Variants in AIG1 observed in about 807,000 individuals in gnomAD.
AIG1 encodes the protein androgen induced 1.
A neutral mutation model predicts 31.4 loss-of-function variants in AIG1; 23 were observed. That is an observed-to-expected ratio of 0.73 (90% CI 0.53 to 1.04). AIG1 has a LOEUF of 1.04. Among genes scored for constraint, AIG1 ranks in the 50% least tolerant of loss-of-function variants. The pLI is 0.00. For missense variants in AIG1, 274 were observed against 295.0 expected (o/e 0.93, Z 0.52); for synonymous variants, 100 against 110.5 (o/e 0.90, Z 0.60).
At chr6:143,190,019 A>C (rs182895172) in intron 3 of AIG1, 2 of 464,494 alleles carry the variant, frequency 4.3e-6, no homozygotes, top group Admixed American at 6.4e-5. Flanking sequence ...GGAAGGAACA[A>C]GTAATCTCTC....
In AIG1 at chr6:143,338,023, A is replaced by G; in HGVS notation, c.680-1616A>G. On this transcript the variant is annotated intron_variant, in intron 5 of 5. Coordinates refer to ENST00000357847, the MANE Select transcript of AIG1 (RefSeq NM_016108.4). This position sits in a 1 kb window ranked among gnomAD's most constrained non-coding sequence, Gnocchi z 4.3. ...GGAAGCCATTTTCCCTCTCTAGGTC[A>G]ATGAATACCCCCCGTTCTCCACCCG... 2.5e-6 allele frequency: 1 copy of G among 398,694 alleles called. No individual in the cohort carries two copies. Among genetic ancestry groups the G allele is most frequent in the East Asian group, 3.6e-5 (1 of 28,086 alleles). The allele number at this position is 398,694 out of a possible 1,614,324, so 24.7% of individuals were successfully genotyped here.
intron 2 of AIG1, among the ~76,000 whole-genome samples, chr6:143,157,449 TC>T (rs1460675079): frequency 2.4e-5 from 3 of 126,718 alleles, no homozygotes; most frequent in African/African-American, 3.8e-5. Flanking sequence ...TTTTTTTTTT[TC>T]CTTTTTTTTT....
intron 3 of AIG1, among the ~76,000 whole-genome samples, chr6:143,261,981 G>C (rs1304983617): frequency 6.6e-6 from 1 of 152,208 alleles, no homozygotes; most frequent in African/African-American, 2.4e-5. Flanking sequence ...GAAAGCATTT[G>C]AGTTATGAGA....
At chr6:143,100,328 A>T (rs1291800031) in intron 1 of AIG1, among the ~76,000 whole-genome samples, 1 of 152,128 alleles carries the variant, frequency 6.6e-6, no homozygotes, top group Admixed American at 6.5e-5. Context: ...GATTTCAGAG[A>T]TGGGAGAGGT....
chr6:143,251,342 G>A (rs1192391811), intron 3 of AIG1, among the ~76,000 whole-genome samples: 2 of 152,082 alleles, frequency 1.3e-5, no homozygotes, highest in African/African-American at 2.4e-5. Context: ...GTGAGCCACC[G>A]TGCCCGGCCG....
chr6:143,070,988 A>G (rs1162951054), intron 1 of AIG1, among the ~76,000 whole-genome samples: 1 of 152,256 alleles, frequency 6.6e-6, no homozygotes, highest in Non-Finnish European at 1.5e-5. Context: ...AAACTGTATT[A>G]TAATATCACA....
At chr6:143,112,338 C>G (rs1283766558) in intron 1 of AIG1, among the ~76,000 whole-genome samples, 1 of 152,156 alleles carries the variant, frequency 6.6e-6, no homozygotes, top group African/African-American at 2.4e-5. Flanking sequence ...TAGGGGGAAC[C>G]TTTTCTCATT....
rs118183660 is a variant in AIG1 at position 143,172,982 on chromosome 6, T to C, written c.399+7799T>C. On this transcript the variant is annotated intron_variant, in intron 3 of 5. Coordinates refer to ENST00000357847, the MANE Select transcript of AIG1 (RefSeq NM_016108.4). ...CTTTCTTGGTTAATCTCGCTAATGG[T>C]CTATCAATTTTTTTATCTTTATAAA... 8.4e-4 allele frequency among the ~76,000 whole-genome samples: 128 copies of C among 152,250 alleles called. 4 individuals carry two copies. In the East Asian group the frequency reaches 0.023, roughly 27 times the overall value.
chr6:143,165,641 ACTTT>A (rs567907057), intron 3 of AIG1, among the ~76,000 whole-genome samples: 309 of 152,310 alleles, frequency 2.0e-3, no homozygotes, highest in Non-Finnish European at 3.4e-3. Context: ...CAAGGCTGTG[ACTTT>A]CTTTCAGAGA....
rs1570349 is a variant in AIG1 at position 143,271,279 on chromosome 6, G to A, written c.400-12831G>A. 5.5e-3 allele frequency among the ~76,000 whole-genome samples: 835 copies of A among 152,278 alleles called. 3 individuals carry two copies. Among genetic ancestry groups the A allele is most frequent in the African/African-American group, 0.017 (716 of 41,546 alleles). On this transcript the variant is annotated intron_variant, in intron 3 of 5. Transcript: ENST00000357847. ...ATGACAGTAAATCAATAACCCCTTG[G>A]AGATGATTCGTTTCTGAAATATCCC...
At chr6:143,103,415 ATGGC>A (rs1299173284) in intron 1 of AIG1, among the ~76,000 whole-genome samples, 7 of 151,840 alleles carry the variant, frequency 4.6e-5, no homozygotes, top group Non-Finnish European at 1.0e-4. Flanking sequence ...GGGGAAGTCA[ATGGC>A]TGTATTTAGA....
At chr6:143,162,086 A>G (rs1485432912) in intron 2 of AIG1, among the ~76,000 whole-genome samples, 3 of 152,266 alleles carry the variant, frequency 2.0e-5, no homozygotes, top group Admixed American at 2.0e-4. Flanking sequence ...TAGCAAAGGT[A>G]TAAGCTACAT....
At position 143,325,377 on chromosome 6, in the gene AIG1, CA is replaced by C. The variant is rs1177894282; in HGVS notation, c.516-7903del. Among the ~76,000 whole-genome samples, 2 of 152,158 alleles carry C rather than the reference CA, an allele frequency of 1.3e-5. No individual in the cohort carries two copies. Among genetic ancestry groups the C allele is most frequent in the Non-Finnish European group, 2.9e-5 (2 of 68,026 alleles). On this transcript the variant is annotated intron_variant, in intron 4 of 5. Transcript: ENST00000357847. This position sits in a 1 kb window ranked among gnomAD's most constrained non-coding sequence, Gnocchi z 4.3. The stretch of plus-strand genomic sequence containing the variant: ...AGTTTCAACCACAATCTTCTTTTGC[CA>C]ATGAACTTGATACCTGTATTGCCAA...
intron 2 of AIG1, among the ~76,000 whole-genome samples, chr6:143,149,631 A>G (rs1785025026): frequency 6.6e-6 from 1 of 152,094 alleles, no homozygotes; most frequent in Admixed American, 6.5e-5. Flanking sequence ...GTGGCTTAAC[A>G]AAAGACTATA....
chr6:143,278,550 C>A (rs1328615380), intron 3 of AIG1, among the ~76,000 whole-genome samples: 1 of 151,350 alleles, frequency 6.6e-6, no homozygotes, highest in African/African-American at 2.4e-5. Context: ...CTCACTGCAA[C>A]CTCTGCCTCC....
intron 3 of AIG1, among the ~76,000 whole-genome samples, chr6:143,186,208 A>T (rs1014047447): frequency 6.6e-6 from 1 of 152,182 alleles, no homozygotes; most frequent in African/African-American, 2.4e-5. Flanking sequence ...CTAGTTAGAG[A>T]TGCTGCTAAA....
rs536912518 is a variant in AIG1 at position 143,337,492 on chromosome 6, C to G, written c.680-2147C>G. ...GATGTAGCAGTTTGGCGGGGTGGAG[C>G]GCGGGGGGGGACACAATTCACAGCT... On this transcript the variant is annotated intron_variant, in intron 5 of 5. Transcript: ENST00000357847. Among the ~76,000 whole-genome samples, 4 of 151,632 alleles carry G rather than the reference C, an allele frequency of 2.6e-5. No homozygotes were observed. In the South Asian group the frequency reaches 8.4e-4, roughly 32 times the overall value.
Position 143,299,954 on chromosome 6 carries a change from A to G in AIG1, c.515+15729A>G. Among the ~76,000 whole-genome samples the G allele has an allele frequency of 6.6e-6, 1 of 152,130 alleles. No individual in the cohort carries two copies. The highest frequency in any genetic ancestry group is 1.9e-4 in the East Asian group (1 of 5,196). On this transcript the variant is annotated intron_variant, in intron 4 of 5. Coordinates refer to ENST00000357847, the MANE Select transcript of AIG1 (RefSeq NM_016108.4). The surrounding 1 kb of genome is among the most constrained non-coding windows in gnomAD (Gnocchi z 4.1). ...AGTGGCACCCTCCATTCACCCCATC[A>G]TAGCATTTCTGACACTGCTGTGAAA... is the stretch of plus-strand genomic sequence containing the variant.
intron 3 of AIG1, among the ~76,000 whole-genome samples, chr6:143,238,644 T>C (rs1793995983): frequency 6.6e-6 from 1 of 152,222 alleles, no homozygotes; most frequent in South Asian, 2.1e-4. Context: ...ATTAACAGTG[T>C]CTGTCATAGA....
Sources: allele counts gnomAD v4.1 joint callset (sites outside exome capture counted in the v4.1 genomes callset), GRCh38; gene constraint gnomAD v4.1.1; non-coding constraint Gnocchi (gnomAD v3.1); transcripts MANE v1.5; gene names NCBI Gene and HGNC (gene_info 2026-07-23, HGNC 2026-07-21).